The following FRMD5 variants were observed in gnomAD, a reference collection of about 807,000 sequenced individuals.
FRMD5 encodes FERM domain-containing protein 5.
Under a neutral mutation model 69.0 loss-of-function variants are expected in FRMD5, and 20 were observed. The observed-to-expected ratio is 0.29, with a 90% CI of 0.20 to 0.42. The LOEUF is 0.42. FRMD5 is among the 10% of genes least tolerant of loss of function. The pLI is 1.00. For missense variants in FRMD5, 595 were observed against 708.6 expected, an observed-to-expected ratio of 0.84 and a Z score of 1.82; for synonymous variants, 271 against 260.1, an observed-to-expected ratio of 1.04 and a Z score of -0.40.
At chr15:43,999,210 G>A (rs534687074) in intron 1 of FRMD5, among the ~76,000 whole-genome samples, 4 of 152,092 alleles carry the variant, frequency 2.6e-5, no homozygotes, top group African/African-American at 7.2e-5. Context: ...TGGGATTACA[G>A]GTGTGTGCCA....
intron 1 of FRMD5, among the ~76,000 whole-genome samples, chr15:44,162,999 C>G (rs2077647910): frequency 6.6e-6 from 1 of 151,204 alleles, no homozygotes; most frequent in South Asian, 2.1e-4. Context: ...ACAGTGAAAC[C>G]CCGTCTCTAC....
intron 1 of FRMD5, among the ~76,000 whole-genome samples, chr15:44,046,896 C>A (rs547495318): frequency 6.6e-6 from 1 of 152,176 alleles, no homozygotes; most frequent in East Asian, 1.9e-4. Flanking sequence ...ACACTGAATA[C>A]CAACTGGAAC....
At chr15:43,888,119 ACT>A (rs2088706233) in intron 10 of FRMD5, 54 bp downstream of exon 10, 3 of 1,383,944 alleles carry the variant, frequency 2.2e-6, no homozygotes, top group African/African-American at 1.4e-5. Context: ...CCTGTCACCG[ACT>A]CTCTCTGACT....
intron 1 of FRMD5, among the ~76,000 whole-genome samples, chr15:43,967,212 T>C (rs1013391056): frequency 2.2e-4 from 33 of 147,186 alleles, no homozygotes; most frequent in African/African-American, 8.2e-4. Context: ...CATATATATA[T>C]ACACATAAAT....
chr15:43,919,055 T>G, intron 4 of FRMD5: 1 of 321,838 alleles, frequency 3.1e-6, no homozygotes, highest in Non-Finnish European at 6.2e-6. Context: ...TTCAGTGTTA[T>G]GCCTTTGGCA....
At chr15:43,954,882 T>C (rs1203093788) in intron 1 of FRMD5, among the ~76,000 whole-genome samples, 1 of 152,208 alleles carries the variant, frequency 6.6e-6, no homozygotes, top group African/African-American at 2.4e-5. Context: ...TTCTTGTATG[T>C]GCTAGATGAT....
chr15:44,104,591 T>A (rs550376851), intron 1 of FRMD5, among the ~76,000 whole-genome samples: 16 of 152,248 alleles, frequency 1.1e-4, no homozygotes, highest in Non-Finnish European at 2.4e-4. Flanking sequence ...TACTTTTTTA[T>A]GTTTAGATAC....
rs530683593 is a variant in FRMD5 at position 43,989,366 on chromosome 15, T to C, written c.103-65057A>G. Reference sequence around the variant, plus strand: ...ATGGAGTTGAAGGTAGTTTCATGGATGCCGCGGGATTCCATGCCCAGGAAG... The same window carrying C: ...ATGGAGTTGAAGGTAGTTTCATGGACGCCGCGGGATTCCATGCCCAGGAAG... On this transcript the variant is annotated intron_variant, in intron 1 of 13. Coordinates refer to ENST00000417257, the MANE Select transcript of FRMD5 (RefSeq NM_032892.5). The C allele has an allele frequency of 3.8e-6, 3 of 785,298 alleles. No homozygotes were observed. In the African/African-American group the frequency reaches 5.1e-5, roughly 13 times the overall value. 48.6% of individuals were successfully genotyped at this position (785,298 alleles called of 1,614,324 possible). A position where few individuals can be genotyped will look rare whatever the true frequency, so the allele number is the denominator to read the frequency against.
intron 1 of FRMD5, among the ~76,000 whole-genome samples, chr15:43,934,561 G>A (rs2140472520): frequency 6.6e-6 from 1 of 152,296 alleles, no homozygotes; most frequent in South Asian, 2.1e-4. Flanking sequence ...AATGGAAAGA[G>A]TAACTAAACA....
At chr15:43,996,715 A>ATTTTTTTT (rs11397296) in intron 1 of FRMD5, among the ~76,000 whole-genome samples, 37 of 86,024 alleles carry the variant, frequency 4.3e-4, no homozygotes, top group Admixed American at 5.7e-4. Context: ...TCCTCAGCTG[A>ATTTTTTTT]TTTTTTTTTT....
chr15:44,085,978 TG>T (rs1337936526), intron 1 of FRMD5, among the ~76,000 whole-genome samples: 1 of 152,040 alleles, frequency 6.6e-6, no homozygotes, highest in Non-Finnish European at 1.5e-5. Context: ...ATGGTTTGAA[TG>T]GAAATGGAAG....
At chr15:43,879,099 G>A (rs542255114) in intron 13 of FRMD5, among the ~76,000 whole-genome samples, 6 of 151,676 alleles carry the variant, frequency 4.0e-5, no homozygotes, top group South Asian at 2.1e-4. Context: ...CACCATGCCC[G>A]GCTAATTTTT....
intron 1 of FRMD5, among the ~76,000 whole-genome samples, chr15:43,958,063 C>G (rs2090141964): frequency 6.6e-6 from 1 of 152,158 alleles, no homozygotes; most frequent in Non-Finnish European, 1.5e-5. Flanking sequence ...CTAAGAGAAT[C>G]TGAATTTTGT....
intron 1 of FRMD5, among the ~76,000 whole-genome samples, chr15:44,173,670 C>T (rs929337229): frequency 3.4e-4 from 52 of 152,096 alleles, no homozygotes; most frequent in African/African-American, 1.2e-3. Context: ...GCCATCATGC[C>T]TGGCTAATTT....
At chr15:44,078,696 G>A (rs1893874906) in intron 1 of FRMD5, among the ~76,000 whole-genome samples, 1 of 152,094 alleles carries the variant, frequency 6.6e-6, no homozygotes, top group South Asian at 2.1e-4. Context: ...ATGGGTAAAG[G>A]AAGTCTTTTC....
intron 12 of FRMD5, 36 bp from the exon 13 acceptor site, chr15:43,883,845 G>C: frequency 6.7e-7 from 1 of 1,489,848 alleles, no homozygotes. Context: ...TTAATTCAGT[G>C]CATGGACACA....
At chr15:44,068,631 C>T (rs1382986059) in intron 1 of FRMD5, among the ~76,000 whole-genome samples, 4 of 152,138 alleles carry the variant, frequency 2.6e-5, no homozygotes, top group East Asian at 1.9e-4. Context: ...CTAATGGGTA[C>T]GAGATTCCTT....
chr15:43,919,927 G>T, intron 2 of FRMD5, 118 bp from the exon 3 acceptor site: 1 of 882,284 alleles, frequency 1.1e-6, no homozygotes, highest in Non-Finnish European at 1.9e-6. Flanking sequence ...CAGCCCAAAA[G>T]CTTATGAAAG....
At chr15:43,989,555 T>C in intron 1 of FRMD5, 1 of 872,438 alleles carries the variant, frequency 1.1e-6, no homozygotes, top group South Asian at 1.3e-5. Flanking sequence ...CTTGATGTCA[T>C]GCACAATTTC....
Sources: allele counts gnomAD v4.1 joint callset (sites outside exome capture counted in the v4.1 genomes callset), GRCh38; gene constraint gnomAD v4.1.1; transcripts MANE v1.5; gene names NCBI Gene and HGNC (gene_info 2026-07-23, HGNC 2026-07-21).